The following SYT16 variants were observed in gnomAD, a reference collection of about 807,000 sequenced individuals.
The protein encoded by SYT16 is synaptotagmin 16, also known as synaptotagmin-16.
In SYT16, 42 loss-of-function variants were observed where a neutral mutation model predicts 61.4. The observed-to-expected ratio is 0.68, with a 90% CI of 0.53 to 0.89. SYT16 has a LOEUF of 0.89. Ranked by LOEUF, SYT16 falls within the 40% of genes least tolerant of loss-of-function variation. SYT16 has a pLI of 0.00. For missense variants in SYT16, 804 were observed against 807.3 expected (o/e 1.00, Z 0.05); for synonymous variants, 314 against 302.3 (o/e 1.04, Z -0.40).
At chr14:61,877,306 A>G (rs2047534637) in intron 1 of SYT16, among the ~76,000 whole-genome samples, 1 of 152,172 alleles carries the variant, frequency 6.6e-6, no homozygotes, top group African/African-American at 2.4e-5. Context: ...GTTGTCACAC[A>G]CACACTCCCA....
At chr14:61,944,264 T>C (rs111738273) in intron 1 of SYT16, among the ~76,000 whole-genome samples, 5,830 of 152,176 alleles carry the variant, frequency 0.038, 135 homozygotes, top group African/African-American at 0.054. Flanking sequence ...ATATTCCATG[T>C]TAATGGATAG....
chr14:61,817,432 A>G (rs2045478207), intron 1 of SYT16, among the ~76,000 whole-genome samples: 6 of 152,084 alleles, frequency 3.9e-5, no homozygotes, highest in Admixed American at 3.9e-4. Context: ...AAAAAAAAAA[A>G]AAAAGAATAA....
chr14:61,835,280 CAG>C (rs1474397484), intron 1 of SYT16, among the ~76,000 whole-genome samples: 18 of 110,628 alleles, frequency 1.6e-4, no homozygotes, highest in African/African-American at 6.2e-4. Flanking sequence ...TTTTTTGAGA[CAG>C]AGTCTCACAT....
chr14:61,981,455 G>A (rs1025450746), intron 2 of SYT16, among the ~76,000 whole-genome samples: 5 of 152,058 alleles, frequency 3.3e-5, no homozygotes, highest in Admixed American at 6.6e-5. Context: ...TTATGGAAAC[G>A]TTCAAACATA....
At chr14:61,888,987 A>G (rs532118050) in intron 1 of SYT16, among the ~76,000 whole-genome samples, 110 of 152,318 alleles carry the variant, frequency 7.2e-4, no homozygotes, top group African/African-American at 2.3e-3. Flanking sequence ...GAGGCCCAGA[A>G]AAGGTCATAA....
intron 3 of SYT16, among the ~76,000 whole-genome samples, chr14:62,021,347 G>C (rs1321350864): frequency 1.3e-5 from 2 of 152,134 alleles, no homozygotes; most frequent in South Asian, 2.1e-4. Flanking sequence ...GGCTGTCATG[G>C]GTGTGGCCTT....
chr14:62,056,830 C>T (rs2055578170), intron 3 of SYT16, among the ~76,000 whole-genome samples: 1 of 152,196 alleles, frequency 6.6e-6, no homozygotes, highest in Non-Finnish European at 1.5e-5. Context: ...ACGGCGGAGT[C>T]CCAGCTTGCA....
chr14:61,969,960 C>T (rs1268199787), intron 1 of SYT16, among the ~76,000 whole-genome samples, 172 bp from the exon 2 acceptor site: 1 of 152,172 alleles, frequency 6.6e-6, no homozygotes, highest in South Asian at 2.1e-4. Flanking sequence ...CTTTTCCTTT[C>T]CCCAGTACAC....
chr14:62,097,380 C>G (rs2057305413), intron 7 of SYT16, among the ~76,000 whole-genome samples: 1 of 152,102 alleles, frequency 6.6e-6, no homozygotes, highest in South Asian at 2.1e-4. Context: ...GCCACTATTA[C>G]CAGTTTCCAA....
chr14:61,978,896 C>T (rs531369206), intron 2 of SYT16, among the ~76,000 whole-genome samples: 38 of 152,262 alleles, frequency 2.5e-4, no homozygotes, highest in South Asian at 6.2e-4. Context: ...AAGTTATTTA[C>T]GAAAGTTGTC....
intron 1 of SYT16, among the ~76,000 whole-genome samples, chr14:61,820,469 G>GGTTTTTTT (rs2045578027): frequency 3.3e-5 from 2 of 61,082 alleles, no homozygotes; most frequent in African/African-American, 1.4e-4. Context: ...CCTCTTCAGA[G>GGTTTTTTT]TTTTTTTTTT....
chr14:62,024,157 T>C (rs2140771741), intron 3 of SYT16, among the ~76,000 whole-genome samples: 1 of 152,214 alleles, frequency 6.6e-6, no homozygotes, highest in South Asian at 2.1e-4. Flanking sequence ...TAATGAAAAA[T>C]TTTGTATATA....
At chr14:61,944,888 G>A (rs2050358926) in intron 1 of SYT16, among the ~76,000 whole-genome samples, 3 of 152,122 alleles carry the variant, frequency 2.0e-5, no homozygotes, top group African/African-American at 7.2e-5. Context: ...ATAAACAAAT[G>A]GGATTAATTA....
At chr14:62,086,404 G>A (rs933993083) in intron 7 of SYT16, among the ~76,000 whole-genome samples, 2 of 152,058 alleles carry the variant, frequency 1.3e-5, no homozygotes, top group African/African-American at 4.8e-5. Context: ...CGCTTGAACC[G>A]AGGAGGTGGA....
intron 3 of SYT16, among the ~76,000 whole-genome samples, chr14:62,047,961 G>A (rs563719223): frequency 7.6e-4 from 116 of 152,282 alleles, no homozygotes; most frequent in African/African-American, 2.6e-3. Context: ...TCTCTGCCAG[G>A]CTTTGGTATC....
chr14:62,071,150 CAG>C (rs1228804352), intron 4 of SYT16, among the ~76,000 whole-genome samples: 5 of 152,206 alleles, frequency 3.3e-5, no homozygotes, highest in African/African-American at 7.2e-5. Flanking sequence ...TGGCCGCTGA[CAG>C]AGTCATTTGC....
rs550193284 is a variant in SYT16, at chr14:61,856,679, T to C, written c.-325+43869T>C. Among the ~76,000 whole-genome samples, 55 of 152,244 alleles carry C rather than the reference T, an allele frequency of 3.6e-4. 2 individuals carry two copies. The South Asian group carries it at 8.7e-3, about 24-fold the overall frequency. On this transcript the variant is annotated intron_variant, in intron 1 of 7. Transcript: ENST00000683842. ...TGTCTATTAAACATCCTATTGGAGA[T>C]ATTGAATAAGCAGTTAGGTGTTTGA... is the stretch of plus-strand genomic sequence containing the variant.
chr14:61,954,167 A>G (rs965521169), intron 1 of SYT16, among the ~76,000 whole-genome samples: 1 of 152,172 alleles, frequency 6.6e-6, no homozygotes, highest in Non-Finnish European at 1.5e-5. Context: ...CTGTGAAATT[A>G]TACCTTTACT....
intron 1 of SYT16, among the ~76,000 whole-genome samples, chr14:61,948,434 A>G (rs1417274648): frequency 6.6e-6 from 1 of 152,040 alleles, no homozygotes; most frequent in Admixed American, 6.6e-5. Context: ...AAAAATTCTA[A>G]GGGAAAGGAG....
Sources: allele counts gnomAD v4.1 joint callset (sites outside exome capture counted in the v4.1 genomes callset), GRCh38; gene constraint gnomAD v4.1.1; transcripts MANE v1.5; gene names NCBI Gene and HGNC (gene_info 2026-07-23, HGNC 2026-07-21).